GRIP1: variants seen among roughly 807,000 people sequenced by gnomAD.
The protein encoded by GRIP1 is glutamate receptor interacting protein 1.
GRIP1 carries 45 observed loss-of-function variants against 129.9 expected under a neutral mutation model. The observed-to-expected ratio is 0.35, with a 90% CI of 0.27 to 0.44. The LOEUF (loss-of-function observed/expected upper bound fraction) is 0.44. Ranked by LOEUF, GRIP1 falls within the 20% of genes least tolerant of loss-of-function variation. The probability of loss-of-function intolerance (pLI) is 1.00; values close to 1 mark genes in which losing one functional copy is unlikely to be tolerated. For synonymous variants in GRIP1, 530 were observed against 520.8 expected (o/e 1.02, Z -0.24); for missense variants, 1,196 against 1,396.8 (o/e 0.86, Z 2.29).
At chr12:66,656,960 C>G (rs1171611450) in intron 1 of GRIP1, among the ~76,000 whole-genome samples, 4 of 152,028 alleles carry the variant, frequency 2.6e-5, no homozygotes, top group Non-Finnish European at 4.4e-5. Flanking sequence ...TCAATTTTCT[C>G]TACTAGATTG....
At chr12:66,601,139 T>C (rs1178967603) in intron 1 of GRIP1, among the ~76,000 whole-genome samples, 1 of 152,104 alleles carries the variant, frequency 6.6e-6, no homozygotes, top group Non-Finnish European at 1.5e-5. Context: ...AGAAGAACAA[T>C]AGGAGGGACC....
At chr12:66,632,507 T>A (rs1442595866) in intron 1 of GRIP1, among the ~76,000 whole-genome samples, 1 of 152,162 alleles carries the variant, frequency 6.6e-6, no homozygotes, top group African/African-American at 2.4e-5. Flanking sequence ...TTCCCATGCT[T>A]CCTTCCCCAA....
At chr12:66,470,258 T>G (rs1432981790) in intron 7 of GRIP1, among the ~76,000 whole-genome samples, 2 of 152,220 alleles carry the variant, frequency 1.3e-5, no homozygotes, top group Non-Finnish European at 2.9e-5. Flanking sequence ...CTGCATGATC[T>G]GGCTTCTGCT....
At chr12:66,749,547 T>G (rs906419427) in intron 1 of GRIP1, among the ~76,000 whole-genome samples, 4 of 152,222 alleles carry the variant, frequency 2.6e-5, no homozygotes, top group Admixed American at 2.6e-4. Context: ...AAACGTTGAT[T>G]TTGTAAAACT....
intron 7 of GRIP1, among the ~76,000 whole-genome samples, chr12:66,501,868 T>A (rs374668698): frequency 1.3e-5 from 2 of 152,172 alleles, no homozygotes; most frequent in South Asian, 4.2e-4. Flanking sequence ...AGATAATGGC[T>A]TCACAGCAGC....
chr12:66,673,042 G>T (rs1341682234), intron 1 of GRIP1, among the ~76,000 whole-genome samples: 1 of 152,074 alleles, frequency 6.6e-6, no homozygotes. Flanking sequence ...GTGTGGTGTT[G>T]TCTTGATTAA....
chr12:66,671,110 C>T (rs1309871120), intron 1 of GRIP1, among the ~76,000 whole-genome samples: 1 of 152,144 alleles, frequency 6.6e-6, no homozygotes, highest in Non-Finnish European at 1.5e-5. Flanking sequence ...ATCCAGGCAA[C>T]ATTATTTTCT....
intron 2 of GRIP1, among the ~76,000 whole-genome samples, chr12:66,586,501 C>T (rs1456087107): frequency 5.3e-5 from 8 of 152,124 alleles, no homozygotes; most frequent in African/African-American, 1.9e-4. Context: ...GAAGACCTGT[C>T]GCCCACCCTC....
intron 9 of GRIP1, among the ~76,000 whole-genome samples, chr12:66,458,848 C>T (rs530244372): frequency 6.6e-6 from 1 of 152,336 alleles, no homozygotes; most frequent in East Asian, 1.9e-4. Flanking sequence ...TTTGCACTTG[C>T]TGTTCTTTCC....
At chr12:66,396,981 C>T (rs1478366754) in intron 16 of GRIP1, among the ~76,000 whole-genome samples, 1 of 151,688 alleles carries the variant, frequency 6.6e-6, no homozygotes, top group African/African-American at 2.4e-5. Context: ...CATGGTGCCT[C>T]GTGCCTGTAG....
chr12:66,770,726 A>G (rs999482661), intron 1 of GRIP1, among the ~76,000 whole-genome samples: 4 of 152,198 alleles, frequency 2.6e-5, no homozygotes, highest in Non-Finnish European at 5.9e-5. Flanking sequence ...TTTTATTTAT[A>G]AATAAAATAA....
upstream of GRIP1, among the ~76,000 whole-genome samples, chr12:66,806,803 T>TA (rs1387369444): frequency 6.6e-6 from 1 of 152,004 alleles, no homozygotes; most frequent in African/African-American, 2.4e-5. Flanking sequence ...GCACCTATTT[T>TA]TTTTTTTTTT....
upstream of GRIP1, among the ~76,000 whole-genome samples, chr12:66,681,552 A>G (rs1190923074): frequency 6.6e-6 from 1 of 152,184 alleles, no homozygotes; most frequent in Non-Finnish European, 1.5e-5. Flanking sequence ...TACCAGATCA[A>G]TGTAAGCATG....
upstream of GRIP1, chr12:66,804,207 G>C: frequency 2.2e-6 from 1 of 448,178 alleles, no homozygotes. Flanking sequence ...CGTGCAGCGC[G>C]GCACAGCTAG....
At chr12:66,866,423 T>C (rs2040205866) in intron 1 of GRIP1, among the ~76,000 whole-genome samples, 1 of 152,166 alleles carries the variant, frequency 6.6e-6, no homozygotes, top group African/African-American at 2.4e-5. Context: ...CGATGAGCTA[T>C]GATCGCACCA....
intron 11 of GRIP1, among the ~76,000 whole-genome samples, chr12:66,451,560 C>A (rs2058807111): frequency 6.6e-6 from 1 of 151,774 alleles, no homozygotes; most frequent in South Asian, 2.1e-4. Flanking sequence ...TGTGCCACCA[C>A]ACCTGGTTGA....
chr12:66,803,208 C>T (rs531060334), intron 1 of GRIP1, among the ~76,000 whole-genome samples: 1 of 152,160 alleles, frequency 6.6e-6, no homozygotes, highest in Non-Finnish European at 1.5e-5. Flanking sequence ...TATAAAGATC[C>T]TTATTGAAGA....
intron 11 of GRIP1, among the ~76,000 whole-genome samples, chr12:66,453,155 G>A (rs1395944622): frequency 1.3e-5 from 2 of 152,194 alleles, no homozygotes; most frequent in Admixed American, 1.3e-4. Flanking sequence ...CAGTGACAGC[G>A]CTGCCTCAGC....
intron 1 of GRIP1, among the ~76,000 whole-genome samples, chr12:66,675,767 A>T (rs2034298266): frequency 6.6e-6 from 1 of 152,234 alleles, no homozygotes. Flanking sequence ...TTTAGATTTC[A>T]ATATTAGATG....
Sources: gnomAD v4.1 joint callset for allele counts (sites outside exome capture counted in the v4.1 genomes callset) on GRCh38, gnomAD v4.1.1 for gene constraint, MANE v1.5 for transcripts, NCBI Gene and HGNC (gene_info 2026-07-23, HGNC 2026-07-21) for gene names.